Variants in PBXIP1 observed in about 807,000 individuals in gnomAD.
PBXIP1 encodes the protein PBX homeobox interacting protein 1.
A neutral mutation model predicts 73.7 loss-of-function variants in PBXIP1; 73 were observed. The observed-to-expected ratio is 0.99, with a 90% CI of 0.82 to 1.20. The LOEUF (loss-of-function observed/expected upper bound fraction) is 1.20. PBXIP1 is among the 50% of genes most tolerant of loss of function. PBXIP1 has a pLI of 0.00. For synonymous variants in PBXIP1, 330 were observed against 366.9 expected, an observed-to-expected ratio of 0.90 and a Z score of 1.15; for missense variants, 818 against 911.4, an observed-to-expected ratio of 0.90 and a Z score of 1.32.
At position 154,946,604 on chromosome 1, in the gene PBXIP1, C is replaced by T. The variant is rs2061690; in HGVS notation, c.1070G>A (p.Gly357Asp). The T allele has an allele frequency of 0.45, 729,366 of 1,612,910 alleles. 175,503 individuals carry two copies. The highest frequency in any genetic ancestry group is 0.89 in the East Asian group (40,148 of 44,872). The change falls in exon 10 of 11, where the codon GGT (glycine) becomes GAT (aspartate). Residue 357 changes from glycine (G) to aspartate (D), a missense_variant. Transcript: ENST00000368463. ...GGCCTTGTCACCCTGTGGGCCTCTA[C>T]CCCCACTGAGGCACACCCCATCTGG... Reference protein sequence around the residue: ...RGPDGVCLSGGRGPQGDKAIR... With the variant: ...RGPDGVCLSGDRGPQGDKAIR...
chr1:154,953,585 GA>G (rs1485809400), intron 2 of PBXIP1, 85 bp downstream of exon 2: 2 of 843,180 alleles, frequency 2.4e-6, no homozygotes, highest in Non-Finnish European at 4.0e-6. Context: ...CAGGACTAAG[GA>G]AAAGGACCCA....
At position 154,945,913 on chromosome 1, in the gene PBXIP1, G is replaced by A. The variant is rs1351700861; in HGVS notation, c.1761C>T (p.Gly587=). ...LLRPKYRAPQ[G]CSGVDECARQ... The stretch of plus-strand genomic sequence containing the variant: ...GGGCACACTCGTCCACACCTGAGCA[G>A]CCCTGGGGTGCCCGGTACTTGGGCC... The change falls in exon 10 of 11, where the codon GGC becomes GGT. Residue 587 remains glycine, a synonymous_variant. Transcript: ENST00000368463. The A allele has an allele frequency of 5.0e-6, 8 of 1,614,104 alleles. No homozygotes were observed. Among genetic ancestry groups the A allele is most frequent in the African/African-American group, 1.3e-5 (1 of 74,960 alleles).
At chr1:154,949,988 ATTTATTTTATTTTAT>A (rs575712181) in intron 5 of PBXIP1, among the ~76,000 whole-genome samples, 2 of 151,028 alleles carry the variant, frequency 1.3e-5, no homozygotes, top group South Asian at 2.1e-4. Context: ...TTTTATTTTT[ATTTATTTTATTTTAT>A]TTTATTTTAT....
rs1654889560 is a variant in PBXIP1 at position 154,948,125 on chromosome 1, C to T, written c.643+8G>A. 6.4e-7 allele frequency: 1 copy of T among 1,573,726 alleles called. No homozygotes were observed. Among genetic ancestry groups the T allele is most frequent in the Non-Finnish European group, 8.6e-7 (1 of 1,157,804 alleles). Reference sequence around the variant, plus strand: ...GCCCAAAGCCCCAGCCTCAGAGGTACCACTCACCTGAGAAGAGGAGGACCC... The same window carrying T: ...GCCCAAAGCCCCAGCCTCAGAGGTATCACTCACCTGAGAAGAGGAGGACCC... On this transcript the variant is annotated splice_region_variant and intron_variant, in intron 6 of 10. Transcript: ENST00000368463.
intron 8 of PBXIP1, 29 bp from the exon 9 acceptor site, chr1:154,947,577 G>A: frequency 1.2e-6 from 2 of 1,604,728 alleles, no homozygotes; most frequent in Non-Finnish European, 1.7e-6. Flanking sequence ...GTTATGCCAT[G>A]CTACCCCACA....
At chr1:154,954,930 G>C in intron 1 of PBXIP1, 1 of 976,912 alleles carries the variant, frequency 1.0e-6, no homozygotes, top group Non-Finnish European at 1.2e-6. Flanking sequence ...AGGGAAGTGA[G>C]GCTGGGAGAG....
chr1:154,951,309 A>G lies in PBXIP1; in HGVS notation c.332T>C (p.Val111Ala). ...VQGDLQETTV[V>A]TGLGPDTQDL... is the part of the protein sequence containing the mutation. ...CTGTGTGTCTGGTCCCAGGCCTGTC[A>G]CCACGGTGGTCTCCTGCAGGTCTCC... The change falls in exon 5 of 11, where the codon GTG becomes GCG. Residue 111 changes from valine (V) to alanine (A), a missense_variant. Transcript: ENST00000368463. This position sits in a 1 kb window ranked among gnomAD's most constrained non-coding sequence, Gnocchi z 4.3. The G allele has an allele frequency of 6.2e-6, 10 of 1,614,094 alleles. No homozygotes were observed. Among genetic ancestry groups the G allele is most frequent in the Non-Finnish European group, 8.5e-6 (10 of 1,179,958 alleles).
At position 154,946,396 on chromosome 1, in the gene PBXIP1, A is replaced by G. The variant is rs1334109388; in HGVS notation, c.1278T>C (p.His426=). 2 of 1,612,458 alleles carry G rather than the reference A, an allele frequency of 1.2e-6. No homozygotes were observed. Among genetic ancestry groups the G allele is most frequent in the Admixed American group, 3.3e-5 (2 of 59,992 alleles). The part of the protein sequence containing the change: ...LQDASRGDPA[H]AGLAELGHRL... ...TGTGGCCCAGCTCAGCCAAGCCAGCATGAGCTGGGTCCCCGCGGCTGGCAT... is the reference window on the plus strand; with the variant it reads ...TGTGGCCCAGCTCAGCCAAGCCAGCGTGAGCTGGGTCCCCGCGGCTGGCAT... Residue 426 remains histidine, a synonymous_variant, in exon 10 of 11, where the codon CAT becomes CAC. Coordinates refer to ENST00000368463, the MANE Select transcript of PBXIP1 (RefSeq NM_020524.4).
chr1:154,951,790 A>G lies in PBXIP1; in HGVS notation c.178+5T>C. ...GTAAGCTATGTCCTAAGCAGGGCCC[A>G]GTACCTTCTCCATCCATGGTCCCAG... On this transcript the variant is annotated splice_donor_5th_base_variant and intron_variant, in intron 3 of 10. Transcript: ENST00000368463. The surrounding 1 kb of genome is among the most constrained non-coding windows in gnomAD (Gnocchi z 4.3). 4.3e-6 allele frequency: 7 copies of G among 1,613,880 alleles called. No homozygotes were observed. The highest frequency in any genetic ancestry group is 5.1e-6 in the Non-Finnish European group (6 of 1,179,912).
chr1:154,952,041 T>C, intron 2 of PBXIP1, 120 bp from the exon 3 acceptor site: 1 of 1,043,648 alleles, frequency 9.6e-7, no homozygotes, highest in Non-Finnish European at 1.4e-6. Context: ...CAGCACCAAG[T>C]GCTCGGCATT....
At chr1:154,947,574 C>T in intron 8 of PBXIP1, 26 bp from the exon 9 acceptor site, 1 of 1,602,922 alleles carries the variant, frequency 6.2e-7, no homozygotes, top group East Asian at 2.2e-5. Flanking sequence ...CCTGTTATGC[C>T]ATGCTACCCC....
Position 154,945,918 on chromosome 1 carries a change from G to A in PBXIP1, c.1756C>T (p.Gln586Ter), listed in dbSNP as rs1200050054. ...ELLRPKYRAP[Q>*]GCSGVDECAR... ...CACTCGTCCACACCTGAGCAGCCCT[G>A]GGGTGCCCGGTACTTGGGCCTCAAC... The change falls in exon 10 of 11, where the codon CAG (glutamine) becomes TAG (stop). Residue 586 changes from glutamine to a stop codon, truncating the protein, a stop_gained. Transcript: ENST00000368463. LOFTEE classifies it high-confidence loss of function. The A allele has an allele frequency of 4.3e-6, 7 of 1,614,062 alleles. No individual in the cohort carries two copies. The highest frequency in any genetic ancestry group is 5.9e-6 in the Non-Finnish European group (7 of 1,180,002).
intron 5 of PBXIP1, 145 bp from the exon 6 acceptor site, chr1:154,948,511 C>G: frequency 1.7e-6 from 1 of 589,792 alleles, no homozygotes; most frequent in East Asian, 2.9e-5. Context: ...TGCCCACTTG[C>G]CCACTTCTGC....
At chr1:154,945,150 A>G (rs769473984) in intron 10 of PBXIP1, 33 bp from the exon 11 acceptor site, 1 of 1,530,608 alleles carries the variant, frequency 6.5e-7, no homozygotes, top group African/African-American at 1.4e-5. Context: ...AGGGGACAAT[A>G]CCATGCAATG....
rs757393835 is a variant in PBXIP1 at position 154,945,125 on chromosome 1, G to T, written c.2103-8C>A. 8 of 1,608,234 alleles carry T rather than the reference G, an allele frequency of 5.0e-6. No homozygotes were observed. The highest frequency in any genetic ancestry group is 6.0e-6 in the Non-Finnish European group (7 of 1,174,768). ...TTGTCCTTCTTCCCTGACCTGTGGG[G>T]AGGAAGAGGCCTTTAGGGGACAATA... is the stretch of plus-strand genomic sequence containing the variant. On this transcript the variant is annotated splice_region_variant and splice_polypyrimidine_tract_variant and intron_variant, in intron 10 of 10. Transcript: ENST00000368463.
rs144466282 is a variant in PBXIP1, at chr1:154,948,298, G to A, written c.478C>T (p.Arg160Trp). The A allele has an allele frequency of 2.7e-5, 44 of 1,610,972 alleles. No homozygotes were observed. Among genetic ancestry groups the A allele is most frequent in the East Asian group, 8.9e-5 (4 of 44,780 alleles). The change falls in exon 6 of 11, where the codon CGG becomes TGG. Residue 160 changes from arginine to tryptophan, a missense_variant. Coordinates refer to ENST00000368463, the MANE Select transcript of PBXIP1 (RefSeq NM_020524.4). ...CCGGCCTCCCGGCCCCGCCGTCTCC[G>A]CAGACCCTCCATGTCCACGTCGGTG... is the stretch of plus-strand genomic sequence containing the variant. ...DDTDVDMEGLRRRRGREAGPP... is the reference protein window; with the variant it reads ...DDTDVDMEGLWRRRGREAGPP...
chr1:154,951,628 G>T lies in PBXIP1; in HGVS notation c.179-93C>A, dbSNP rs1255840908. The T allele has an allele frequency of 1.4e-6, 2 of 1,455,726 alleles. No homozygotes were observed. Among genetic ancestry groups the T allele is most frequent in the South Asian group, 1.2e-5 (1 of 86,812 alleles). 90.2% of individuals were successfully genotyped at this position (1,455,726 alleles called of 1,614,324 possible). ...CATCCCACGGGCCCCTACCAGGTTG[G>T]AAGAGGCAGGAAAAAGCCAGGATGG... On this transcript the variant is annotated intron_variant, in intron 3 of 10. Coordinates refer to ENST00000368463, the MANE Select transcript of PBXIP1 (RefSeq NM_020524.4). This position sits in a 1 kb window ranked among gnomAD's most constrained non-coding sequence, Gnocchi z 4.3.
In PBXIP1 at chr1:154,946,614, G is replaced by A; in HGVS notation, c.1060C>T (p.Leu354Phe). The A allele has an allele frequency of 4.3e-6, 7 of 1,612,808 alleles. No individual in the cohort carries two copies. Among genetic ancestry groups the A allele is most frequent in the East Asian group, 4.5e-5 (2 of 44,842 alleles). ...CCCTGTGGGCCTCTACCCCCACTGAGGCACACCCCATCTGGGCCCCGGACA... is the reference window on the plus strand; with the variant it reads ...CCCTGTGGGCCTCTACCCCCACTGAAGCACACCCCATCTGGGCCCCGGACA... Reference protein sequence around the residue: ...DCVRGPDGVCLSGGRGPQGDK... With the variant: ...DCVRGPDGVCFSGGRGPQGDK... Residue 354 changes from leucine to phenylalanine, a missense_variant, in exon 10 of 11, where the codon CTC (leucine) becomes TTC (phenylalanine). Leu to Phe is a conservative substitution (Grantham distance 22). Coordinates refer to ENST00000368463, the MANE Select transcript of PBXIP1 (RefSeq NM_020524.4).
chr1:154,947,779 C>T, intron 7 of PBXIP1, 67 bp from the exon 8 acceptor site: 16 of 1,526,798 alleles, frequency 1.0e-5, no homozygotes, highest in Non-Finnish European at 1.3e-5. Context: ...CACACCTTCC[C>T]ATTCACACAG....
Sources: allele counts gnomAD v4.1 joint callset (sites outside exome capture counted in the v4.1 genomes callset), GRCh38; gene constraint gnomAD v4.1.1; non-coding constraint Gnocchi (gnomAD v3.1); transcripts MANE v1.5; gene names NCBI Gene and HGNC (gene_info 2026-07-23, HGNC 2026-07-21).